MSANTD3: variants seen among roughly 807,000 people sequenced by gnomAD.
MSANTD3 encodes myb/SANT-like DNA-binding domain-containing protein 3.
In MSANTD3, 11 loss-of-function variants were observed where a neutral mutation model predicts 27.7. The ratio of observed to expected loss-of-function variants is 0.40; its 90% CI spans 0.25 to 0.66. MSANTD3 has a LOEUF of 0.66. MSANTD3 is among the 30% of genes least tolerant of loss of function. The pLI is 0.41. For synonymous variants in MSANTD3, 131 were observed against 127.2 expected (o/e 1.03, Z -0.20); for missense variants, 250 against 336.5 (o/e 0.74, Z 2.01).
chr9:100,442,463 A>G, intron 2 of MSANTD3, 107 bp downstream of exon 2: 2 of 1,460,348 alleles, frequency 1.4e-6, no homozygotes, highest in Non-Finnish European at 9.0e-7. Flanking sequence ...AAACTTTTGT[A>G]TCAAATCCAA....
chr9:100,436,045 A>T (rs1836470848), intron 1 of MSANTD3, among the ~76,000 whole-genome samples: 2 of 152,156 alleles, frequency 1.3e-5, no homozygotes, highest in African/African-American at 4.8e-5. Context: ...TGTGCCTTTT[A>T]ATTTAGGCCT....
At chr9:100,436,300 C>T (rs987190227) in intron 1 of MSANTD3, among the ~76,000 whole-genome samples, 2 of 152,120 alleles carry the variant, frequency 1.3e-5, no homozygotes, top group African/African-American at 4.8e-5. Flanking sequence ...AGGCACACCA[C>T]CATACCCAGC....
intron 1 of MSANTD3, among the ~76,000 whole-genome samples, chr9:100,429,847 C>T (rs1836330069): frequency 1.3e-5 from 2 of 152,060 alleles, no homozygotes; most frequent in Admixed American, 1.3e-4. Context: ...AGATTACAGG[C>T]ACCTACCACC....
intron 1 of MSANTD3, among the ~76,000 whole-genome samples, chr9:100,428,941 A>G (rs936143341): frequency 2.0e-5 from 3 of 152,196 alleles, no homozygotes; most frequent in Non-Finnish European, 2.9e-5. Context: ...GGAAGGGCCC[A>G]GGCACTGCAC....
At chr9:100,429,109 C>T (rs1240009556) in intron 1 of MSANTD3, among the ~76,000 whole-genome samples, 3 of 152,166 alleles carry the variant, frequency 2.0e-5, no homozygotes, top group Non-Finnish European at 2.9e-5. Flanking sequence ...AAGGGCTGGA[C>T]TCAGGCACTC....
chr9:100,434,278 C>T (rs964584048), intron 1 of MSANTD3, among the ~76,000 whole-genome samples: 2 of 152,100 alleles, frequency 1.3e-5, no homozygotes, highest in Non-Finnish European at 2.9e-5. Context: ...AATCCTAATC[C>T]CAACACTGGG....
At chr9:100,449,249 A>G in intron 2 of MSANTD3, 1 of 985,448 alleles carries the variant, frequency 1.0e-6, no homozygotes, top group Non-Finnish European at 1.2e-6. Flanking sequence ...TAAAAAAAGC[A>G]GGGCAAACAT....
intron 2 of MSANTD3, among the ~76,000 whole-genome samples, chr9:100,443,265 G>A (rs1414037787): frequency 1.3e-5 from 2 of 151,976 alleles, no homozygotes; most frequent in Non-Finnish European, 2.9e-5. Context: ...CGGGCGTGGT[G>A]GTGCATGCCT....
chr9:100,428,075 A>G (rs924937724), intron 1 of MSANTD3, among the ~76,000 whole-genome samples: 3 of 152,240 alleles, frequency 2.0e-5, no homozygotes, highest in African/African-American at 2.4e-5. Context: ...GGCATGAATT[A>G]TCATTGAATC....
chr9:100,434,555 G>A (rs937620917), intron 1 of MSANTD3, among the ~76,000 whole-genome samples: 2 of 152,078 alleles, frequency 1.3e-5, no homozygotes, highest in East Asian at 3.8e-4. Context: ...ACAGTCTTTG[G>A]TGTATACTTC....
chr9:100,434,668 T>C (rs1836439229), intron 1 of MSANTD3, among the ~76,000 whole-genome samples: 1 of 152,202 alleles, frequency 6.6e-6, no homozygotes, highest in African/African-American at 2.4e-5. Flanking sequence ...TCCTATACAT[T>C]CTTAAAGATC....
intron 1 of MSANTD3, among the ~76,000 whole-genome samples, chr9:100,431,404 C>G (rs914447905): frequency 6.6e-6 from 1 of 151,350 alleles, no homozygotes; most frequent in Non-Finnish European, 1.5e-5. Flanking sequence ...TTCCTGGGCT[C>G]AGGTGGTCCT....
At chr9:100,445,044 C>A in intron 2 of MSANTD3, 1 of 635,156 alleles carries the variant, frequency 1.6e-6, no homozygotes, top group South Asian at 2.0e-5. Flanking sequence ...GGTGGAGAAC[C>A]TTGGTGCTTT....
Position 100,451,305 on chromosome 9 carries a change from ATT to A in MSANTD3, c.*351_*352del, listed in dbSNP as rs35133590. 1,527 of 152,342 alleles carry A rather than the reference ATT, an allele frequency of 0.01. 4 individuals carry two copies. The highest frequency in any genetic ancestry group is 0.024 in the East Asian group (139 of 5,696). 9.4% of individuals were successfully genotyped at this position (152,342 alleles called of 1,614,324 possible). A position where few individuals can be genotyped will look rare whatever the true frequency, so the allele number is the denominator to read the frequency against. Reference sequence around the variant, plus strand: ...GTGTGACTATAAAGGAGTGTGGCTGATTTTTTTTTTTTTCTTTTTTCTTTTTA... The same window carrying A: ...GTGTGACTATAAAGGAGTGTGGCTGATTTTTTTTTTTCTTTTTTCTTTTTA... On this transcript the variant is annotated 3_prime_UTR_variant, in exon 3 of 3. Coordinates refer to ENST00000395067, the MANE Select transcript of MSANTD3 (RefSeq NM_080655.3).
intron 2 of MSANTD3, among the ~76,000 whole-genome samples, chr9:100,442,955 G>A (rs552780150): frequency 6.6e-5 from 10 of 152,218 alleles, no homozygotes; most frequent in Non-Finnish European, 1.5e-4. Flanking sequence ...GTGAGGTGCT[G>A]CAGTTGCCTA....
chr9:100,448,007 A>G (rs1017306838), intron 2 of MSANTD3, among the ~76,000 whole-genome samples: 3 of 152,114 alleles, frequency 2.0e-5, no homozygotes, highest in Admixed American at 2.0e-4. Context: ...CCTGGGCAAC[A>G]TGGTGAAACC....
rs759999897 is a variant in MSANTD3, at chr9:100,450,774, G to T, written c.636G>T (p.Leu212=). 30 of 1,614,004 alleles carry T rather than the reference G, an allele frequency of 1.9e-5. No homozygotes were observed. Among genetic ancestry groups the T allele is most frequent in the Non-Finnish European group, 2.5e-5 (30 of 1,180,012 alleles). ...HQQMSILQLQ[L]IQMNEVHVAK... is the part of the protein sequence containing the mutation. ...AAATGTCCATCTTACAACTGCAACT[G>T]ATACAAATGAATGAGGTGCATGTGG... The change falls in exon 3 of 3, where the codon CTG becomes CTT. Residue 212 remains leucine, a synonymous_variant. Coordinates refer to ENST00000395067, the MANE Select transcript of MSANTD3 (RefSeq NM_080655.3).
chr9:100,432,861 A>G (rs556838109), intron 1 of MSANTD3, among the ~76,000 whole-genome samples: 1 of 152,356 alleles, frequency 6.6e-6, no homozygotes, highest in East Asian at 1.9e-4. Flanking sequence ...AACTGTGGAA[A>G]TTAGATTGCA....
intron 1 of MSANTD3, among the ~76,000 whole-genome samples, chr9:100,428,958 G>A (rs536995838): frequency 7.4e-4 from 113 of 152,246 alleles, no homozygotes; most frequent in African/African-American, 2.7e-3. Context: ...GCACCTGTGG[G>A]GAAAGGCAGG....
Sources: gnomAD v4.1 joint callset for allele counts (sites outside exome capture counted in the v4.1 genomes callset) on GRCh38, gnomAD v4.1.1 for gene constraint, MANE v1.5 for transcripts, NCBI Gene and HGNC (gene_info 2026-07-23, HGNC 2026-07-21) for gene names.